The following LMNTD2 variants were observed in gnomAD, a reference collection of about 807,000 sequenced individuals.
LMNTD2 encodes the protein lamin tail domain-containing protein 2.
Under a neutral mutation model 70.1 loss-of-function variants are expected in LMNTD2, and 83 were observed. The ratio of observed to expected loss-of-function variants is 1.18; its 90% CI spans 0.99 to 1.42. The LOEUF (loss-of-function observed/expected upper bound fraction) is 1.42, where lower values mean the gene tolerates loss of function less well. Among genes scored for constraint, LMNTD2 ranks in the 40% most tolerant of loss-of-function variants. The pLI is 0.00. For synonymous variants in LMNTD2, 534 were observed against 406.1 expected (o/e 1.31, Z -3.79); for missense variants, 1,153 against 905.9 (o/e 1.27, Z -3.50).
At position 555,166 on chromosome 11, in the gene LMNTD2, G is replaced by C. The variant is rs1191481382; in HGVS notation, c.1774-55C>G. 4 of 610,058 alleles carry C rather than the reference G, an allele frequency of 6.6e-6. No individual in the cohort carries two copies. The Admixed American group carries it at 1.5e-4, about 23-fold the overall frequency. 37.8% of individuals were successfully genotyped at this position (610,058 alleles called of 1,614,324 possible). On this transcript the variant is annotated intron_variant, in intron 13 of 13. Transcript: ENST00000329451. The stretch of plus-strand genomic sequence containing the variant: ...GGGGCGGGGCGGGGACGGGAGGGGA[G>C]GGGAGGGGAGGAGAGGGGAGGGGCG...
Position 555,785 on chromosome 11 carries a change from G to C in LMNTD2, c.1523C>G (p.Pro508Arg), listed in dbSNP as rs1426333165. Reference protein sequence around the residue: ...DTRKPPRPPRPLRKGRVREPR... With the variant: ...DTRKPPRPPRRLRKGRVREPR... Reference sequence around the variant, plus strand: ...CTCCCGCACCCGGCCTTTGCGCAGGGGTCGAGGTGGGCGCGGCGGCTTGCG... The same window carrying C: ...CTCCCGCACCCGGCCTTTGCGCAGGCGTCGAGGTGGGCGCGGCGGCTTGCG... The change falls in exon 12 of 14, where the codon CCC (proline) becomes CGC (arginine). Residue 508 changes from proline to arginine, a missense_variant. Coordinates refer to ENST00000329451, the MANE Select transcript of LMNTD2 (RefSeq NM_173573.3). 3.3e-6 allele frequency: 5 copies of C among 1,507,028 alleles called. No homozygotes were observed. In the African/African-American group the frequency reaches 5.8e-5, roughly 18 times the overall value. The allele number at this position is 1,507,028 out of a possible 1,614,324, so 93.4% of individuals were successfully genotyped here. A position where few individuals can be genotyped will look rare whatever the true frequency, so the allele number is the denominator to read the frequency against.
chr11:558,992 G>T lies in LMNTD2; in HGVS notation c.35-13C>A, dbSNP rs773366902. On this transcript the variant is annotated splice_polypyrimidine_tract_variant and intron_variant, in intron 1 of 13. Coordinates refer to ENST00000329451, the MANE Select transcript of LMNTD2 (RefSeq NM_173573.3). ...ACCGACTCTTGCTCTGTGGGGGACA[G>T]GAGAGCCTCTTCCTCGGTTTCTTCA... The T allele has an allele frequency of 1.2e-5, 19 of 1,597,212 alleles. No homozygotes were observed. The highest frequency in any genetic ancestry group is 1.6e-5 in the Non-Finnish European group (19 of 1,177,958).
At chr11:560,143 TA>T in intron 1 of LMNTD2, 1 of 253,074 alleles carries the variant, frequency 4.0e-6, no homozygotes. Flanking sequence ...TTCGGCTATG[TA>T]AGGGCTCCCT....
At chr11:559,316 C>T (rs753771297) in intron 1 of LMNTD2, 21 of 1,397,074 alleles carry the variant, frequency 1.5e-5, no homozygotes, top group Non-Finnish European at 1.3e-5. Flanking sequence ...CTCTTGTCCC[C>T]CCAGCTCAGG....
At position 554,934 on chromosome 11, in the gene LMNTD2, G is replaced by T; in HGVS notation, c.*46C>A. The T allele has an allele frequency of 7.1e-7, 1 of 1,403,070 alleles. No homozygotes were observed. The highest frequency in any genetic ancestry group is 9.4e-7 in the Non-Finnish European group (1 of 1,067,860). The allele number at this position is 1,403,070 out of a possible 1,614,324, so 86.9% of individuals were successfully genotyped here. ...CGGACACAGCCCGCCCAGCCCCGGC[G>T]CCCGCCCGCGCCCTCCCTCGCGGTC... On this transcript the variant is annotated 3_prime_UTR_variant, in exon 14 of 14. Coordinates refer to ENST00000329451, the MANE Select transcript of LMNTD2 (RefSeq NM_173573.3).
rs1411049079 is a variant in LMNTD2, at chr11:556,820, C to G, written c.976+15G>C. 1 of 1,545,620 alleles carries G rather than the reference C, an allele frequency of 6.5e-7. No homozygotes were observed. Among genetic ancestry groups the G allele is most frequent in the Non-Finnish European group, 8.8e-7 (1 of 1,142,342 alleles). ...GTGGGTGAAGGGTAACCAGGGGAGA[C>G]CCGCCCCACTGCACCTTCTGAGTCC... On this transcript the variant is annotated intron_variant, in intron 8 of 13. Coordinates refer to ENST00000329451, the MANE Select transcript of LMNTD2 (RefSeq NM_173573.3).
intron 13 of LMNTD2, 55 bp downstream of exon 13, chr11:555,250 A>AG: frequency 1.7e-6 from 2 of 1,146,694 alleles, no homozygotes; most frequent in Non-Finnish European, 2.2e-6. Context: ...GCGGGAGAGG[A>AG]GAGGAGGAGA....
In LMNTD2 at chr11:557,602, G is replaced by A; in HGVS notation, c.594C>T (p.Leu198=). The A allele has an allele frequency of 6.2e-7, 1 of 1,613,336 alleles. No homozygotes were observed. Among genetic ancestry groups the A allele is most frequent in the Admixed American group, 1.7e-5 (1 of 60,018 alleles). ...CGGTGGGGGCCTGAATGTTTTCAGA[G>A]AGGTCGCTTGGGTCCATCAGAGTCT... is the stretch of plus-strand genomic sequence containing the variant. ...TAETLMDPSD[L]SENIQAPTGE... Residue 198 remains leucine, a synonymous_variant, in exon 6 of 14, where the codon CTC becomes CTT. Transcript: ENST00000329451.
rs751106521 is a variant in LMNTD2, at chr11:555,464, G to A, written c.1614C>T (p.Leu538=). The A allele has an allele frequency of 8.2e-5, 113 of 1,377,772 alleles. No homozygotes were observed. In the South Asian group the frequency reaches 1.7e-3, roughly 21 times the overall value. 85.3% of individuals were successfully genotyped at this position (1,377,772 alleles called of 1,614,324 possible). A position where few individuals can be genotyped will look rare whatever the true frequency, so the allele number is the denominator to read the frequency against. ...GCGCAGGCCCCTCCCGCGCGTGGAA[G>A]AGCTTCCCCGAGCTCACTGGGGGCA... ...GLLPPVSSGK[L]FHAREGPARP... Residue 538 remains leucine (L), a synonymous_variant, in exon 13 of 14, where the codon CTC becomes CTT. Coordinates refer to ENST00000329451, the MANE Select transcript of LMNTD2 (RefSeq NM_173573.3).
At position 559,394 on chromosome 11, in the gene LMNTD2, G is replaced by A. The variant is rs868595567; in HGVS notation, c.35-415C>T. ...GCCTGGGAGGGAAGGGCTGTATACCGTTGCCATGGATACCAGCACCCAGAA... is the reference window on the plus strand; with the variant it reads ...GCCTGGGAGGGAAGGGCTGTATACCATTGCCATGGATACCAGCACCCAGAA... On this transcript the variant is annotated intron_variant, in intron 1 of 13. Coordinates refer to ENST00000329451, the MANE Select transcript of LMNTD2 (RefSeq NM_173573.3). The A allele has an allele frequency of 1.3e-5, 17 of 1,317,848 alleles. No individual in the cohort carries two copies. In the Middle Eastern group the frequency reaches 1.0e-3, roughly 80 times the overall value. 81.6% of individuals were successfully genotyped at this position (1,317,848 alleles called of 1,614,324 possible).
rs1244080936 is a variant in LMNTD2 at position 558,163 on chromosome 11, A to G, written c.397T>C (p.Trp133Arg). 1 of 1,613,084 alleles carries G rather than the reference A, an allele frequency of 6.2e-7. No individual in the cohort carries two copies. Among genetic ancestry groups the G allele is most frequent in the African/African-American group, 1.3e-5 (1 of 74,880 alleles). ...ELKEQKERAQWEKEHLEERLL... is the reference protein window; with the variant it reads ...ELKEQKERAQREKEHLEERLL... ...CACTCCCTGTGCCCCTGCCTCACCC[A>G]CTGGGCTCGCTCCTTCTGTTCCTTC... is the stretch of plus-strand genomic sequence containing the variant. The change falls in exon 4 of 14, where the codon TGG (tryptophan) becomes CGG (arginine). Residue 133 changes from tryptophan (W) to arginine (R), a missense_variant and splice_region_variant. Transcript: ENST00000329451.
rs770264123 is a variant in LMNTD2, at chr11:556,787, G to A, written c.976+48C>T. On this transcript the variant is annotated intron_variant, in intron 8 of 13. Transcript: ENST00000329451. Reference sequence around the variant, plus strand: ...CTGAGTGAGATCACAGCTCTGAGGGGGTGGAGGGTGGGTGAAGGGTAACCA... The same window carrying A: ...CTGAGTGAGATCACAGCTCTGAGGGAGTGGAGGGTGGGTGAAGGGTAACCA... 5 of 1,501,106 alleles carry A rather than the reference G, an allele frequency of 3.3e-6. No homozygotes were observed. In the Admixed American group the frequency reaches 8.4e-5, roughly 25 times the overall value. The allele number at this position is 1,501,106 out of a possible 1,614,324, so 93.0% of individuals were successfully genotyped here.
At chr11:559,941 T>C (rs1185072701) in intron 1 of LMNTD2, 1 of 221,612 alleles carries the variant, frequency 4.5e-6, no homozygotes, top group East Asian at 1.5e-4. Context: ...CACAGCTCCT[T>C]TGACCTCAGT....
intron 4 of LMNTD2, 25 bp downstream of exon 4, chr11:558,135 GC>G (rs1457686548): frequency 2.5e-6 from 4 of 1,611,714 alleles, no homozygotes; most frequent in Non-Finnish European, 2.5e-6. Flanking sequence ...CCAGGACCCT[GC>G]CCACTCCCTG....
chr11:559,382 G>T (rs1481782212), intron 1 of LMNTD2: 41 of 1,325,024 alleles, frequency 3.1e-5, no homozygotes, highest in Non-Finnish European at 4.1e-5. Context: ...TGGGAGGGAA[G>T]GGCTGTATAC....
chr11:557,565 A>G lies in LMNTD2; in HGVS notation c.624+7T>C. 6.2e-7 allele frequency: 1 copy of G among 1,613,400 alleles called. No homozygotes were observed. Among genetic ancestry groups the G allele is most frequent in the East Asian group, 2.2e-5 (1 of 44,874 alleles). On this transcript the variant is annotated splice_region_variant and intron_variant, in intron 6 of 13. Coordinates refer to ENST00000329451, the MANE Select transcript of LMNTD2 (RefSeq NM_173573.3). ...ACCAGACCACACACGTGGGAGGCCT[A>G]GCTCACCTCCCCGGTGGGGGCCTGA...
chr11:555,260 A>C, intron 13 of LMNTD2, 45 bp downstream of exon 13: 1 of 1,289,940 alleles, frequency 7.8e-7, no homozygotes, highest in Non-Finnish European at 9.8e-7. Flanking sequence ...AGAGGAGGAG[A>C]ACGAGGAGGG....
rs747073649 is a variant in LMNTD2 at position 557,509 on chromosome 11, C to T, written c.625-22G>A. On this transcript the variant is annotated intron_variant, in intron 6 of 13. Transcript: ENST00000329451. The stretch of plus-strand genomic sequence containing the variant: ...AGCCCTGGCCAGGAAGCAAGAGGCA[C>T]ATGGTCCTCCCCTCCCGCAGGGCTC... 1.7e-5 allele frequency: 28 copies of T among 1,613,198 alleles called. No homozygotes were observed. The African/African-American group carries it at 2.5e-4, about 15-fold the overall frequency.
At position 555,119 on chromosome 11, in the gene LMNTD2, G is replaced by A. The variant is rs760393767; in HGVS notation, c.1774-8C>T. The A allele has an allele frequency of 1.4e-6, 2 of 1,453,322 alleles. No individual in the cohort carries two copies. Among genetic ancestry groups the A allele is most frequent in the Non-Finnish European group, 1.8e-6 (2 of 1,101,810 alleles). 90.0% of individuals were successfully genotyped at this position (1,453,322 alleles called of 1,614,324 possible). A position where few individuals can be genotyped will look rare whatever the true frequency, so the allele number is the denominator to read the frequency against. ...CACGCTCTTCCGGCACACCTGGGGGGCGCGGGGGCTGAGAGGCGCGCGGGG... is the reference window on the plus strand; with the variant it reads ...CACGCTCTTCCGGCACACCTGGGGGACGCGGGGGCTGAGAGGCGCGCGGGG... On this transcript the variant is annotated splice_region_variant and splice_polypyrimidine_tract_variant and intron_variant, in intron 13 of 13. Coordinates refer to ENST00000329451, the MANE Select transcript of LMNTD2 (RefSeq NM_173573.3).
Sources: allele counts gnomAD v4.1 joint callset, GRCh38; gene constraint gnomAD v4.1.1; transcripts MANE v1.5; gene names NCBI Gene and HGNC (gene_info 2026-07-23, HGNC 2026-07-21).